The following LRRC49 variants were observed in gnomAD, a reference collection of about 807,000 sequenced individuals.
The protein encoded by LRRC49 is leucine-rich repeat-containing protein 49.
Under a neutral mutation model 83.3 loss-of-function variants are expected in LRRC49, and 50 were observed. The ratio of observed to expected loss-of-function variants is 0.60; its 90% CI spans 0.48 to 0.76. The LOEUF (loss-of-function observed/expected upper bound fraction) is 0.76. Ranked by LOEUF, LRRC49 falls within the 30% of genes least tolerant of loss-of-function variation. The pLI is 0.00. For missense variants in LRRC49, 704 were observed against 809.1 expected (o/e 0.87, Z 1.58); for synonymous variants, 286 against 283.3 (o/e 1.01, Z -0.10).
In LRRC49 at chr15:70,861,935, A is replaced by G. The variant is rs151309436; in HGVS notation, c.-299+8466A>G. On this transcript the variant is annotated intron_variant, in intron 1 of 16. Transcript: ENST00000544974. Reference sequence around the variant, plus strand: ...GTGAGACTCTGTCTTAAAAAGAAAAAATAGATGGGTTTTATTTTAGAAGGG... The same window carrying G: ...GTGAGACTCTGTCTTAAAAAGAAAAGATAGATGGGTTTTATTTTAGAAGGG... Among the ~76,000 whole-genome samples, 41 of 152,168 alleles carry G rather than the reference A, an allele frequency of 2.7e-4. No individual in the cohort carries two copies. In the East Asian group the frequency reaches 5.4e-3, roughly 20 times the overall value.
In LRRC49 at chr15:71,003,490, C is replaced by A. The variant is rs558923852; in HGVS notation, c.1170-4889C>A. Among the ~76,000 whole-genome samples the A allele has an allele frequency of 2.0e-5, 3 of 152,276 alleles. No homozygotes were observed. In the South Asian group the frequency reaches 6.2e-4, roughly 32 times the overall value. On this transcript the variant is annotated intron_variant, in intron 11 of 15. Coordinates refer to ENST00000260382, the MANE Select transcript of LRRC49 (RefSeq NM_017691.5). Reference sequence around the variant, plus strand: ...ACTAGACAGAGGTAGGAAACTGGGTCAGATGACCAGTTACCCACTCTAGAA... The same window carrying A: ...ACTAGACAGAGGTAGGAAACTGGGTAAGATGACCAGTTACCCACTCTAGAA...
chr15:70,948,542 CT>C (rs2141175501), intron 8 of LRRC49, among the ~76,000 whole-genome samples: 1 of 148,826 alleles, frequency 6.7e-6, no homozygotes, highest in East Asian at 2.0e-4. Flanking sequence ...GGATGTAATC[CT>C]TTACTATTAT....
intron 1 of LRRC49, among the ~76,000 whole-genome samples, chr15:70,862,300 C>G (rs568923065): frequency 6.6e-6 from 1 of 152,052 alleles, no homozygotes; most frequent in Non-Finnish European, 1.5e-5. Flanking sequence ...TGAGGCTGGC[C>G]GGGCGCGGTG....
At chr15:70,857,355 G>A (rs2032678535) in intron 1 of LRRC49, among the ~76,000 whole-genome samples, 2 of 152,146 alleles carry the variant, frequency 1.3e-5, no homozygotes, top group African/African-American at 2.4e-5. Flanking sequence ...ACAAGGCTAA[G>A]CGTTGAAGAG....
chr15:70,921,224 T>C (rs1281417327), intron 7 of LRRC49, among the ~76,000 whole-genome samples: 2 of 152,226 alleles, frequency 1.3e-5, no homozygotes, highest in African/African-American at 4.8e-5. Context: ...AAAATAAGAC[T>C]TTACTTTCAG....
At chr15:70,932,185 C>T (rs554451401) in intron 7 of LRRC49, among the ~76,000 whole-genome samples, 1 of 152,164 alleles carries the variant, frequency 6.6e-6, no homozygotes, top group African/African-American at 2.4e-5. Context: ...GTACAAAAAC[C>T]AGATAAACCC....
chr15:70,945,519 C>CTGTGTGTGTGTGTGTGTG (rs749607668), intron 8 of LRRC49, among the ~76,000 whole-genome samples: 14 of 135,796 alleles, frequency 1.0e-4, no homozygotes, highest in Non-Finnish European at 2.1e-4. Flanking sequence ...ATTTAACAAC[C>CTGTGTGTGTGTGTGTGTG]TGTGTGTGTG....
chr15:71,048,389 C>A (rs989902572), intron 15 of LRRC49, among the ~76,000 whole-genome samples: 2 of 152,140 alleles, frequency 1.3e-5, no homozygotes, highest in African/African-American at 4.8e-5. Context: ...GCTACCATGC[C>A]TGGCTTATGA....
At chr15:70,958,446 G>A (rs1185329767) in intron 8 of LRRC49, among the ~76,000 whole-genome samples, 7 of 152,066 alleles carry the variant, frequency 4.6e-5, no homozygotes. Flanking sequence ...AAAGTGATGA[G>A]TTAGTTCACT....
chr15:70,870,956 T>TTGTTTGTTTTTG (rs1567030876), intron 1 of LRRC49, among the ~76,000 whole-genome samples: 1 of 150,116 alleles, frequency 6.7e-6, no homozygotes, highest in African/African-American at 2.5e-5. Flanking sequence ...TTTTTTTTTT[T>TTGTTTGTTTTTG]TTTTTTTTTA....
At chr15:70,886,000 T>A (rs1449453632) in intron 2 of LRRC49, among the ~76,000 whole-genome samples, 2 of 152,172 alleles carry the variant, frequency 1.3e-5, no homozygotes, top group Non-Finnish European at 2.9e-5. Context: ...GTAGTGTAAT[T>A]GACCTAGAAA....
rs1567080958 is a variant in LRRC49, at chr15:70,980,118, G to A, written c.939G>A (p.Met313Ile). 4 of 1,609,840 alleles carry A rather than the reference G, an allele frequency of 2.5e-6. No individual in the cohort carries two copies. The South Asian group carries it at 4.4e-5, about 18-fold the overall frequency. ...TCTTTTAGGAAGAAGAAAGGCGTAT[G>A]GCATCTGTTTTAGCCAAAAAAGAGG... is the stretch of plus-strand genomic sequence containing the variant. ...MKRITEEERR[M>I]ASVLAKKEEE... The change falls in exon 10 of 16, where the codon ATG (methionine) becomes ATA (isoleucine). Residue 313 changes from methionine (M) to isoleucine (I), a missense_variant. By Grantham distance (10) the Met-to-Ile change is conservative. Transcript: ENST00000260382.
At chr15:70,945,519 CTG>C (rs749607668) in intron 8 of LRRC49, among the ~76,000 whole-genome samples, 13,585 of 135,704 alleles carry the variant, frequency 0.1, 590 homozygotes, top group Middle Eastern at 0.15. Context: ...ATTTAACAAC[CTG>C]TGTGTGTGTG....
At chr15:70,887,962 T>C (rs963629630), upstream of LRRC49, among the ~76,000 whole-genome samples, 2 of 152,122 alleles carry the variant, frequency 1.3e-5, no homozygotes, top group Non-Finnish European at 2.9e-5. Flanking sequence ...CAAAATCAAA[T>C]AGCTGTGAAT....
Position 70,933,003 on chromosome 15 carries a change from A to T in LRRC49, c.712-3758A>T, listed in dbSNP as rs1180383329. ...CCTCACCTCCCAAATTGCTGGGATT[A>T]CAGGCACAAGCCACCACACCTGGCC... On this transcript the variant is annotated intron_variant, in intron 7 of 15. Transcript: ENST00000260382. Among the ~76,000 whole-genome samples the T allele has an allele frequency of 2.0e-5, 3 of 152,060 alleles. 1 individual carries two copies. The South Asian group carries it at 6.2e-4, about 32-fold the overall frequency.
At chr15:70,944,685 G>A (rs370576755) in intron 8 of LRRC49, among the ~76,000 whole-genome samples, 23 of 152,260 alleles carry the variant, frequency 1.5e-4, no homozygotes, top group East Asian at 1.2e-3. Flanking sequence ...GATTACAGGC[G>A]TGAGCCACTG....
chr15:70,882,359 TATCTTGAAGTGAAAGATTTACA>T, intron 2 of LRRC49: 1 of 1,150,272 alleles, frequency 8.7e-7, no homozygotes, highest in Non-Finnish European at 1.2e-6. Context: ...ACTGTCAAAT[TATCTTGAAGTGAAAGATTTACA>T]ATAGCAAAGA....
chr15:70,892,226 G>T (rs763345768), upstream of LRRC49: 5 of 1,594,486 alleles, frequency 3.1e-6, no homozygotes, highest in South Asian at 5.7e-5. Context: ...CGACTTCCCA[G>T]ACTTGGTGGT....
chr15:70,900,580 C>A (rs1283780577), intron 3 of LRRC49: 3 of 458,438 alleles, frequency 6.5e-6, no homozygotes, highest in Non-Finnish European at 1.3e-5. Flanking sequence ...CCAAATATAT[C>A]TGGTAATGAG....
Sources: gnomAD v4.1 joint callset for allele counts (sites outside exome capture counted in the v4.1 genomes callset) on GRCh38, gnomAD v4.1.1 for gene constraint, MANE v1.5 for transcripts, NCBI Gene and HGNC (gene_info 2026-07-23, HGNC 2026-07-21) for gene names.